The following RALGPS1 variants were observed in gnomAD, a reference collection of about 807,000 sequenced individuals.
The protein encoded by RALGPS1 is Ral GEF with PH domain and SH3 binding motif 1.
Under a neutral mutation model 78.8 loss-of-function variants are expected in RALGPS1, and 19 were observed. That is an observed-to-expected ratio of 0.24 (90% confidence interval 0.17 to 0.35). The LOEUF is 0.35. RALGPS1 is among the 10% of genes least tolerant of loss of function. The probability of loss-of-function intolerance (pLI) is 1.00; values close to 1 mark genes in which losing one functional copy is unlikely to be tolerated. For synonymous variants in RALGPS1, 228 were observed against 256.3 expected (o/e 0.89, Z 1.06); for missense variants, 454 against 688.3 (o/e 0.66, Z 3.81).
chr9:127,022,745 A>C (rs558696512), intron 4 of RALGPS1, among the ~76,000 whole-genome samples: 1 of 152,254 alleles, frequency 6.6e-6, no homozygotes, highest in Non-Finnish European at 1.5e-5. Flanking sequence ...ATACCTGCAG[A>C]GCATGCTCCT....
chr9:127,167,458 T>A (rs1244071551), intron 9 of RALGPS1, among the ~76,000 whole-genome samples: 1 of 152,264 alleles, frequency 6.6e-6, no homozygotes, highest in Non-Finnish European at 1.5e-5. Context: ...CGGTTCCTAT[T>A]CCAGCTTTGT....
chr9:126,939,535 T>C (rs2036564265), intron 1 of RALGPS1, among the ~76,000 whole-genome samples: 1 of 152,234 alleles, frequency 6.6e-6, no homozygotes, highest in Non-Finnish European at 1.5e-5. Flanking sequence ...GAGCACCAGC[T>C]GTTGCTATTA....
At chr9:127,146,626 C>A (rs956320430) in intron 8 of RALGPS1, among the ~76,000 whole-genome samples, 1 of 150,918 alleles carries the variant, frequency 6.6e-6, no homozygotes, top group Non-Finnish European at 1.5e-5. Context: ...TCACTGCAAC[C>A]TTGGCCTCCA....
chr9:127,165,640 T>C (rs1454016143), intron 8 of RALGPS1, among the ~76,000 whole-genome samples: 3 of 152,192 alleles, frequency 2.0e-5, no homozygotes, highest in Admixed American at 1.3e-4. Flanking sequence ...GGGGAACAGA[T>C]AGACAAATAG....
intron 4 of RALGPS1, among the ~76,000 whole-genome samples, chr9:126,982,829 C>CTCT (rs3052977): frequency 0.59 from 84,643 of 144,300 alleles, 28,624 homozygotes; most frequent in East Asian, 0.81. Context: ...CTTCTTCTTC[C>CTCT]TCTTCTTCTT....
intron 8 of RALGPS1, among the ~76,000 whole-genome samples, chr9:127,125,255 T>G (rs1195712370): frequency 2.6e-5 from 4 of 152,244 alleles, no homozygotes; most frequent in Non-Finnish European, 5.9e-5. Context: ...TGTTGCTTCC[T>G]TCGTTGGGCT....
intron 3 of RALGPS1, among the ~76,000 whole-genome samples, chr9:126,968,002 CTTTTTTTTTTT>C (rs745689127): frequency 7.7e-6 from 1 of 130,638 alleles, no homozygotes; most frequent in African/African-American, 2.8e-5. Flanking sequence ...GAGTTCAATT[CTTTTTTTTTTT>C]TTTTTTTTGA....
At chr9:127,111,188 G>C (rs2054775008) in intron 8 of RALGPS1, among the ~76,000 whole-genome samples, 2 of 151,964 alleles carry the variant, frequency 1.3e-5, no homozygotes, top group African/African-American at 4.8e-5. Flanking sequence ...CTTTATACTT[G>C]CTGGTCCCTG....
intron 1 of RALGPS1, among the ~76,000 whole-genome samples, chr9:126,961,187 T>C (rs2038870629): frequency 6.6e-6 from 1 of 152,110 alleles, no homozygotes; most frequent in African/African-American, 2.4e-5. Context: ...GCTGGCTCTG[T>C]TTTGGGTTGT....
intron 11 of RALGPS1, among the ~76,000 whole-genome samples, chr9:127,175,435 G>A (rs1036876338): frequency 3.3e-5 from 5 of 152,206 alleles, no homozygotes; most frequent in Admixed American, 2.6e-4. Context: ...CTGACATTGT[G>A]AAAGTGTGCT....
At chr9:126,949,778 A>T (rs2037634154) in intron 1 of RALGPS1, among the ~76,000 whole-genome samples, 1 of 151,058 alleles carries the variant, frequency 6.6e-6, no homozygotes, top group Admixed American at 6.6e-5. Flanking sequence ...GTTCACTCTG[A>T]TGGTAGTTTC....
intron 8 of RALGPS1, among the ~76,000 whole-genome samples, chr9:127,085,233 G>A (rs2051586192): frequency 6.6e-6 from 1 of 152,222 alleles, no homozygotes; most frequent in Non-Finnish European, 1.5e-5. Flanking sequence ...AAACTGGGAT[G>A]CAGGGGTTTG....
intron 1 of RALGPS1, among the ~76,000 whole-genome samples, chr9:126,941,360 A>G (rs1011156375): frequency 6.6e-6 from 1 of 152,036 alleles, no homozygotes; most frequent in Non-Finnish European, 1.5e-5. Flanking sequence ...GGTGACAGAT[A>G]TTCCATTTAC....
At chr9:127,138,303 G>A (rs935924020) in intron 8 of RALGPS1, among the ~76,000 whole-genome samples, 3 of 152,304 alleles carry the variant, frequency 2.0e-5, no homozygotes, top group East Asian at 1.9e-4. Flanking sequence ...CAATTTGTCC[G>A]TGGCTGCATT....
At chr9:126,983,093 C>T (rs535046395) in intron 4 of RALGPS1, among the ~76,000 whole-genome samples, 23 of 151,482 alleles carry the variant, frequency 1.5e-4, no homozygotes, top group Non-Finnish European at 2.8e-4. Flanking sequence ...CCTGATACCA[C>T]GACCGGCTAA....
chr9:127,109,127 G>A lies in RALGPS1; in HGVS notation c.610+39771G>A, dbSNP rs1564597203. Reference sequence around the variant, plus strand: ...CGTATCCAGGCAGCTTCAGGCTGGGGAGGGGAGGCAGAGGGAGGGTTTTCT... The same window carrying A: ...CGTATCCAGGCAGCTTCAGGCTGGGAAGGGGAGGCAGAGGGAGGGTTTTCT... On this transcript the variant is annotated intron_variant, in intron 8 of 18. Coordinates refer to ENST00000259351, the MANE Select transcript of RALGPS1 (RefSeq NM_014636.3). Among the ~76,000 whole-genome samples the A allele has an allele frequency of 2.0e-5, 3 of 152,234 alleles. No individual in the cohort carries two copies. The East Asian group carries it at 5.8e-4, about 29-fold the overall frequency.
intron 4 of RALGPS1, among the ~76,000 whole-genome samples, chr9:127,034,070 G>A (rs2046651229): frequency 6.6e-6 from 1 of 152,208 alleles, no homozygotes; most frequent in South Asian, 2.1e-4. Flanking sequence ...TCACAACTAT[G>A]TGGGGATGAG....
intron 4 of RALGPS1, among the ~76,000 whole-genome samples, chr9:127,016,479 A>G (rs1489390265): frequency 1.3e-5 from 2 of 152,178 alleles, no homozygotes; most frequent in Non-Finnish European, 2.9e-5. Context: ...TTTAGGACAC[A>G]TCTCAGATTA....
At chr9:126,982,855 C>T (rs2132879944) in intron 4 of RALGPS1, among the ~76,000 whole-genome samples, 1 of 147,378 alleles carries the variant, frequency 6.8e-6, no homozygotes, top group East Asian at 2.0e-4. Flanking sequence ...TTTCTTCCTC[C>T]TCCTTCTTCT....
Sources: allele counts gnomAD v4.1 joint callset (sites outside exome capture counted in the v4.1 genomes callset), GRCh38; gene constraint gnomAD v4.1.1; transcripts MANE v1.5; gene names NCBI Gene and HGNC (gene_info 2026-07-23, HGNC 2026-07-21).